The following GCH1 variants were observed in gnomAD, a reference collection of about 807,000 sequenced individuals.
GCH1 encodes GTP cyclohydrolase 1.
A neutral mutation model predicts 25.9 loss-of-function variants in GCH1; 5 were observed. The ratio of observed to expected loss-of-function variants is 0.19; its 90% CI spans 0.10 to 0.41. GCH1 has a LOEUF of 0.41. Among genes scored for constraint, GCH1 ranks in the 10% least tolerant of loss-of-function variants. The pLI is 1.00. For synonymous variants in GCH1, 159 were observed against 129.6 expected (o/e 1.23, Z -1.54); for missense variants, 261 against 336.5 (o/e 0.78, Z 1.75).
At chr14:54,867,651 G>A (rs1233042667) in intron 1 of GCH1, among the ~76,000 whole-genome samples, 7 of 150,764 alleles carry the variant, frequency 4.6e-5, no homozygotes, top group African/African-American at 1.5e-4. Flanking sequence ...TTAGGCCTTG[G>A]GCAAGGTACT....
intron 1 of GCH1, among the ~76,000 whole-genome samples, chr14:54,901,293 G>A (rs760447182): frequency 5.3e-5 from 8 of 152,142 alleles, no homozygotes; most frequent in African/African-American, 1.9e-4. Context: ...ATAAATAAAT[G>A]TCACCAAGAC....
intron 1 of GCH1, among the ~76,000 whole-genome samples, chr14:54,892,151 G>T (rs1447714402): frequency 6.6e-6 from 1 of 152,146 alleles, no homozygotes; most frequent in Non-Finnish European, 1.5e-5. Context: ...AAAAGCTATG[G>T]CCACAGCACA....
chr14:54,851,782 A>G (rs1459877556), intron 3 of GCH1, among the ~76,000 whole-genome samples: 1 of 152,190 alleles, frequency 6.6e-6, no homozygotes, highest in Non-Finnish European at 1.5e-5. Flanking sequence ...GTGGGACTGT[A>G]AACTAGTTCA....
chr14:54,853,290 T>C (rs192258691), intron 3 of GCH1, among the ~76,000 whole-genome samples: 34 of 152,294 alleles, frequency 2.2e-4, no homozygotes, highest in Non-Finnish European at 3.8e-4. Context: ...AACTAAATTA[T>C]TCCATTTGAT....
intron 1 of GCH1, among the ~76,000 whole-genome samples, chr14:54,866,268 G>A (rs1335256538): frequency 6.6e-6 from 1 of 152,084 alleles, no homozygotes; most frequent in Non-Finnish European, 1.5e-5. Context: ...GGATGCTGAA[G>A]AGGGATAGAG....
At chr14:54,888,622 C>A (rs1300789916) in intron 1 of GCH1, among the ~76,000 whole-genome samples, 2 of 151,924 alleles carry the variant, frequency 1.3e-5, no homozygotes, top group Non-Finnish European at 2.9e-5. Flanking sequence ...ACACCATTCA[C>A]CTGCCTCAGC....
chr14:54,851,860 A>G (rs183239183), intron 3 of GCH1, among the ~76,000 whole-genome samples: 2 of 152,260 alleles, frequency 1.3e-5, no homozygotes, highest in African/African-American at 4.8e-5. Context: ...TGACCCAGCC[A>G]TCCCATTACT....
At chr14:54,881,296 T>C (rs995863939) in intron 1 of GCH1, among the ~76,000 whole-genome samples, 1 of 152,020 alleles carries the variant, frequency 6.6e-6, no homozygotes, top group Admixed American at 6.6e-5. Context: ...CCAGCCAGCT[T>C]CACGCAGTGC....
chr14:54,847,949 A>G (rs1456484897), intron 3 of GCH1, among the ~76,000 whole-genome samples: 1 of 152,176 alleles, frequency 6.6e-6, no homozygotes, highest in Non-Finnish European at 1.5e-5. Flanking sequence ...GTTAATTAAT[A>G]GCACACCACG....
At chr14:54,873,928 G>A (rs1343659757) in intron 1 of GCH1, among the ~76,000 whole-genome samples, 1 of 152,162 alleles carries the variant, frequency 6.6e-6, no homozygotes, top group Non-Finnish European at 1.5e-5. Context: ...AGGAGGAGCT[G>A]GTACCATTCC....
rs1029899399 is a variant in GCH1, at chr14:54,867,589, C to CAAAAAAAAAA, written c.344-2163_344-2154dup. On this transcript the variant is annotated intron_variant, in intron 1 of 5. Coordinates refer to ENST00000491895, the MANE Select transcript of GCH1 (RefSeq NM_000161.3). Reference sequence around the variant, plus strand: ...GGCAAGAGAGAACAAGACTCCGTCTCAAAAAAAAAAAAAAAAAAAAAAAAA... The same window carrying CAAAAAAAAAA: ...GGCAAGAGAGAACAAGACTCCGTCTCAAAAAAAAAAAAAAAAAAAAAAAAAAAAAAAAAAA... 1.9e-3 allele frequency among the ~76,000 whole-genome samples: 87 copies of CAAAAAAAAAA among 46,638 alleles called. 2 individuals are homozygous for CAAAAAAAAAA. Among genetic ancestry groups the CAAAAAAAAAA allele is most frequent in the South Asian group, 6.4e-3 (5 of 784 alleles). 30.6% of individuals were successfully genotyped at this position (46,638 alleles called of 152,430 possible).
chr14:54,885,186 A>G, intron 1 of GCH1: 1 of 207,992 alleles, frequency 4.8e-6, no homozygotes. Context: ...AGAACTCCTA[A>G]CTCCAGCAGG....
At chr14:54,871,961 G>C (rs2040085802) in intron 1 of GCH1, among the ~76,000 whole-genome samples, 1 of 151,886 alleles carries the variant, frequency 6.6e-6, no homozygotes, top group South Asian at 2.1e-4. Flanking sequence ...AATCTAGCAA[G>C]GCAGGCCAAC....
intron 1 of GCH1, 74 bp downstream of exon 1, chr14:54,902,247 T>G (rs868691654): frequency 1.3e-6 from 2 of 1,511,276 alleles, no homozygotes; most frequent in African/African-American, 1.4e-5. Context: ...GGAAACTTCC[T>G]GGAGCCGGCG....
At position 54,899,320 on chromosome 14, in the gene GCH1, G is replaced by C. The variant is rs2040529620; in HGVS notation, c.343+3001C>G. ...TATCAAAAATACAAAAATTAGCAGG[G>C]CATGGTGGCACAAGCCTGTAGTTCC... On this transcript the variant is annotated intron_variant, in intron 1 of 5. Transcript: ENST00000491895. Among the ~76,000 whole-genome samples the C allele has an allele frequency of 2.0e-5, 3 of 152,020 alleles. No homozygotes were observed. The South Asian group carries it at 6.2e-4, about 32-fold the overall frequency.
rs2039579203 is a variant in GCH1, at chr14:54,842,891, C to T, written c.*1126G>A. The stretch of plus-strand genomic sequence containing the variant: ...ACGGAGTTACAATGAGGACAAGACC[C>T]ACATAGACCACAAAGGAAACCGGGA... On this transcript the variant is annotated 3_prime_UTR_variant, in exon 6 of 6. Transcript: ENST00000491895. 1.7e-6 allele frequency: 1 copy of T among 579,980 alleles called. No individual in the cohort carries two copies. The highest frequency in any genetic ancestry group is 2.7e-5 in the South Asian group (1 of 37,036). The allele number at this position is 579,980 out of a possible 1,614,324, so 35.9% of individuals were successfully genotyped here. A position where few individuals can be genotyped will look rare whatever the true frequency, so the allele number is the denominator to read the frequency against.
intron 2 of GCH1, 47 bp downstream of exon 2, chr14:54,865,280 C>T: frequency 1.1e-6 from 1 of 892,700 alleles, no homozygotes; most frequent in Non-Finnish European, 1.8e-6. Flanking sequence ...AATTGAAAAA[C>T]TTTCACTATG....
intron 2 of GCH1, among the ~76,000 whole-genome samples, chr14:54,860,698 A>T (rs1224904563): frequency 6.6e-6 from 1 of 151,450 alleles, no homozygotes; most frequent in Admixed American, 6.6e-5. Context: ...CTGCCACCAC[A>T]CCCAGCTAAT....
At chr14:54,898,844 T>C (rs1566685418) in intron 1 of GCH1, among the ~76,000 whole-genome samples, 2 of 152,174 alleles carry the variant, frequency 1.3e-5, no homozygotes, top group Non-Finnish European at 1.5e-5. Context: ...GGTCTCTTTC[T>C]AACTCCTAAC....
Sources: gnomAD v4.1 joint callset for allele counts (sites outside exome capture counted in the v4.1 genomes callset) on GRCh38, gnomAD v4.1.1 for gene constraint, MANE v1.5 for transcripts, NCBI Gene and HGNC (gene_info 2026-07-23, HGNC 2026-07-21) for gene names.